ESR1: variants seen among roughly 807,000 people sequenced by gnomAD.
ESR1 encodes the protein estrogen receptor 1.
Under a neutral mutation model 52.7 loss-of-function variants are expected in ESR1, and 12 were observed. The ratio of observed to expected loss-of-function variants is 0.23; its 90% CI spans 0.15 to 0.37. The LOEUF (loss-of-function observed/expected upper bound fraction) is 0.37. Ranked by LOEUF, ESR1 falls within the 10% of genes least tolerant of loss-of-function variation. The pLI is 1.00. For missense variants in ESR1, 584 were observed against 779.7 expected, an observed-to-expected ratio of 0.75 and a Z score of 2.99; for synonymous variants, 305 against 316.8, an observed-to-expected ratio of 0.96 and a Z score of 0.39.
At chr6:151,898,844 C>A (rs1260916614) in intron 3 of ESR1, among the ~76,000 whole-genome samples, 1 of 152,226 alleles carries the variant, frequency 6.6e-6, no homozygotes, top group Non-Finnish European at 1.5e-5. Flanking sequence ...AATCTTTTCC[C>A]CACCTTTCCC....
chr6:152,081,865 GA>G (rs2049253170), intron 6 of ESR1, among the ~76,000 whole-genome samples: 1 of 152,134 alleles, frequency 6.6e-6, no homozygotes, highest in Non-Finnish European at 1.5e-5. Context: ...AAATAAACTG[GA>G]AAATCTAGAA....
intron 6 of ESR1, among the ~76,000 whole-genome samples, chr6:152,122,897 A>G (rs2051828097): frequency 6.6e-6 from 1 of 152,188 alleles, no homozygotes; most frequent in Non-Finnish European, 1.5e-5. Flanking sequence ...TCAGTCAACT[A>G]AACGTAAGTA....
intron 2 of ESR1, among the ~76,000 whole-genome samples, chr6:151,751,698 A>C (rs1330285448): frequency 6.6e-6 from 1 of 152,228 alleles, no homozygotes. Flanking sequence ...TAGTTTTCTC[A>C]GAACAAACAT....
At chr6:151,781,545 C>G (rs1220277498) in intron 2 of ESR1, among the ~76,000 whole-genome samples, 1 of 152,198 alleles carries the variant, frequency 6.6e-6, no homozygotes, top group Non-Finnish European at 1.5e-5. Context: ...GAAGAGAGAA[C>G]CTGAGACTGA....
At chr6:151,979,784 A>G (rs1417814302) in intron 4 of ESR1, among the ~76,000 whole-genome samples, 1 of 152,120 alleles carries the variant, frequency 6.6e-6, no homozygotes, top group Non-Finnish European at 1.5e-5. Context: ...TTCTTAGATA[A>G]TGGAACATAA....
intron 3 of ESR1, among the ~76,000 whole-genome samples, chr6:151,930,676 C>G (rs1259380775): frequency 6.6e-6 from 1 of 152,142 alleles, no homozygotes; most frequent in Non-Finnish European, 1.5e-5. Flanking sequence ...TATCACCTTC[C>G]TCTTGCTTGA....
chr6:152,073,736 G>A (rs184169043), intron 6 of ESR1, among the ~76,000 whole-genome samples: 1 of 152,206 alleles, frequency 6.6e-6, no homozygotes, highest in East Asian at 1.9e-4. Flanking sequence ...GGGATGTTTG[G>A]GTTCTAGTTC....
chr6:151,680,304 A>C (rs1256451502), intron 1 of ESR1, among the ~76,000 whole-genome samples: 1 of 151,396 alleles, frequency 6.6e-6, no homozygotes, highest in Admixed American at 6.6e-5. Context: ...TCCAGGTTCA[A>C]GTGAGTCTCC....
chr6:151,776,362 A>G (rs1415895237), intron 2 of ESR1, among the ~76,000 whole-genome samples: 1 of 152,260 alleles, frequency 6.6e-6, no homozygotes, highest in African/African-American at 2.4e-5. Flanking sequence ...TTTATCAGAG[A>G]TAACAAAGCA....
chr6:151,728,036 A>G (rs1781970622), intron 2 of ESR1, among the ~76,000 whole-genome samples: 1 of 152,202 alleles, frequency 6.6e-6, no homozygotes, highest in African/African-American at 2.4e-5. Flanking sequence ...ACCTTGACTG[A>G]GTATATCCAA....
At chr6:151,984,651 A>C (rs2040288705) in intron 4 of ESR1, among the ~76,000 whole-genome samples, 1 of 151,960 alleles carries the variant, frequency 6.6e-6, no homozygotes, top group African/African-American at 2.4e-5. Context: ...TACTTCTATG[A>C]CACTGTTTTT....
At position 152,098,703 on chromosome 6, in the gene ESR1, T is replaced by C. The variant is rs773090206; in HGVS notation, c.1554-29T>C. On this transcript the variant is annotated intron_variant, in intron 7 of 7. Coordinates refer to ENST00000206249, the MANE Select transcript of ESR1 (RefSeq NM_000125.4). The surrounding 1 kb of genome is among the most constrained non-coding windows in gnomAD (Gnocchi z 5.1). ...CCTGGGGCTCGGGTTGGCTCTAAAG[T>C]AGTCCTTTCTGTGTCTTCCCACCTA... The C allele has an allele frequency of 1.6e-5, 26 of 1,591,558 alleles. No homozygotes were observed. Among genetic ancestry groups the C allele is most frequent in the Non-Finnish European group, 2.2e-5 (26 of 1,160,772 alleles).
intron 2 of ESR1, among the ~76,000 whole-genome samples, chr6:151,799,304 T>C (rs2128140400): frequency 6.6e-6 from 1 of 152,338 alleles, no homozygotes; most frequent in South Asian, 2.1e-4. Context: ...AATGAAGAGT[T>C]TGGACTCAAC....
intron 1 of ESR1, among the ~76,000 whole-genome samples, chr6:151,838,451 C>A (rs1291365051): frequency 6.6e-6 from 1 of 152,156 alleles, no homozygotes; most frequent in African/African-American, 2.4e-5. Context: ...ATGGCCCAGA[C>A]ATGGACACCT....
intron 4 of ESR1, among the ~76,000 whole-genome samples, chr6:151,981,124 G>C (rs1257205457): frequency 1.3e-5 from 2 of 152,210 alleles, no homozygotes; most frequent in African/African-American, 4.8e-5. Flanking sequence ...ATCCTGTGCA[G>C]GATGTTCTGA....
chr6:152,012,166 C>T lies in ESR1; in HGVS notation c.1235+372C>T, dbSNP rs184848738. Among the ~76,000 whole-genome samples the T allele has an allele frequency of 3.9e-5, 6 of 151,910 alleles. No individual in the cohort carries two copies. The East Asian group carries it at 1.2e-3, about 29-fold the overall frequency. ...CTTTAATTAAAATCTGTTGTTGCTT[C>T]TTGTACATCCATACCACAATAGCCT... On this transcript the variant is annotated intron_variant, in intron 5 of 7. Coordinates refer to ENST00000206249, the MANE Select transcript of ESR1 (RefSeq NM_000125.4).
rs372543809 is a variant in ESR1 at position 151,774,977 on chromosome 6, G to A, written c.-70-32866G>A. ...TGACTTATCCCTCATCTTACCTTAA[G>A]AAGATAATGAGTTGAGGTGGATCTT... is the stretch of plus-strand genomic sequence containing the variant. On this transcript the variant is annotated intron_variant, in intron 2 of 2. Transcript: ENST00000404742. 3.1e-4 allele frequency among the ~76,000 whole-genome samples: 47 copies of A among 152,244 alleles called. No homozygotes were observed. The South Asian group carries it at 9.3e-3, about 30-fold the overall frequency.
chr6:151,707,456 A>C (rs367795269), intron 2 of ESR1, among the ~76,000 whole-genome samples: 1 of 152,132 alleles, frequency 6.6e-6, no homozygotes, highest in East Asian at 1.9e-4. Context: ...TGTAATATGT[A>C]GTGTATATAT....
chr6:151,976,588 C>G (rs938601147), intron 4 of ESR1, among the ~76,000 whole-genome samples: 4 of 151,918 alleles, frequency 2.6e-5, no homozygotes, highest in African/African-American at 4.8e-5. Flanking sequence ...TTCATATGTC[C>G]TGATATGGGT....
Sources: allele counts gnomAD v4.1 joint callset (sites outside exome capture counted in the v4.1 genomes callset), GRCh38; gene constraint gnomAD v4.1.1; non-coding constraint Gnocchi (gnomAD v3.1); transcripts MANE v1.5; gene names NCBI Gene and HGNC (gene_info 2026-07-23, HGNC 2026-07-21).